EHBP1: variants seen among roughly 807,000 people sequenced by gnomAD.
The protein encoded by EHBP1 is EH domain binding protein 1, also known as EH domain-binding protein 1.
In EHBP1, 55 loss-of-function variants were observed where a neutral mutation model predicts 144.0. That is an observed-to-expected ratio of 0.38 (90% confidence interval 0.31 to 0.48). The LOEUF (loss-of-function observed/expected upper bound fraction) is 0.48. EHBP1 is among the 20% of genes least tolerant of loss of function. The pLI, the probability that EHBP1 is intolerant of heterozygous loss-of-function variation, is 0.98. For synonymous variants in EHBP1, 469 were observed against 472.7 expected (o/e 0.99, Z 0.10); for missense variants, 1,200 against 1,364.2 (o/e 0.88, Z 1.90).
At chr2:63,018,254 T>C (rs1332470726) in intron 19 of EHBP1, among the ~76,000 whole-genome samples, 1 of 152,256 alleles carries the variant, frequency 6.6e-6, no homozygotes, top group Non-Finnish European at 1.5e-5. Flanking sequence ...TAAAAACTGG[T>C]AATTTAATTC....
chr2:62,988,777 G>A (rs80198602), intron 15 of EHBP1, among the ~76,000 whole-genome samples: 2,795 of 152,190 alleles, frequency 0.018, 29 homozygotes, highest in Non-Finnish European at 0.028. Context: ...GCAATAAAAA[G>A]TCTTTGGTGA....
intron 7 of EHBP1, among the ~76,000 whole-genome samples, chr2:62,852,931 G>A (rs2048783087): frequency 6.6e-6 from 1 of 152,130 alleles, no homozygotes; most frequent in Admixed American, 6.5e-5. Flanking sequence ...TGACTATTTA[G>A]CTCCTACTGT....
chr2:62,949,781 A>ACGGTTT (rs966975089), intron 13 of EHBP1, among the ~76,000 whole-genome samples: 2 of 152,194 alleles, frequency 1.3e-5, no homozygotes, highest in African/African-American at 4.8e-5. Context: ...GGAATACTGT[A>ACGGTTT]CGGTTTTAAC....
chr2:62,678,291 A>C (rs916942042), intron 1 of EHBP1, among the ~76,000 whole-genome samples: 2 of 152,228 alleles, frequency 1.3e-5, no homozygotes, highest in African/African-American at 4.8e-5. Context: ...TCTTTTGAGA[A>C]ATGTCTATTC....
chr2:62,783,587 G>C (rs972595902), intron 5 of EHBP1, among the ~76,000 whole-genome samples: 1 of 152,248 alleles, frequency 6.6e-6, no homozygotes, highest in Non-Finnish European at 1.5e-5. Flanking sequence ...CCAAGGCTTG[G>C]GGCTTGCACC....
At chr2:62,696,395 C>T (rs1447578730) in intron 1 of EHBP1, among the ~76,000 whole-genome samples, 2 of 150,980 alleles carry the variant, frequency 1.3e-5, no homozygotes, top group Non-Finnish European at 2.9e-5. Context: ...GGTCTACCCA[C>T]CTTGGCCTCC....
intron 10 of EHBP1, among the ~76,000 whole-genome samples, chr2:62,930,030 T>C (rs750323965): frequency 2.0e-5 from 3 of 152,158 alleles, no homozygotes; most frequent in Non-Finnish European, 4.4e-5. Context: ...GAGGATTGCT[T>C]GAGCTCAGGA....
chr2:62,945,697 C>G (rs937676109), intron 12 of EHBP1, among the ~76,000 whole-genome samples: 3 of 152,114 alleles, frequency 2.0e-5, no homozygotes, highest in Admixed American at 6.6e-5. Context: ...CTGCAGTGAG[C>G]TAGCATCATG....
intron 1 of EHBP1, among the ~76,000 whole-genome samples, chr2:62,696,148 C>T (rs1418105400): frequency 7.6e-6 from 1 of 131,878 alleles, no homozygotes; most frequent in Non-Finnish European, 1.6e-5. Flanking sequence ...TCCTTTCTCT[C>T]TCTCTCTCTC....
chr2:62,770,984 C>T (rs558081378), intron 4 of EHBP1, among the ~76,000 whole-genome samples: 68 of 152,124 alleles, frequency 4.5e-4, no homozygotes, highest in African/African-American at 1.6e-3. Context: ...AAGGGAACAA[C>T]AGACACTGCG....
chr2:62,805,487 C>T lies in EHBP1; in HGVS notation c.313-20600C>T, dbSNP rs534038965. 1.1e-4 allele frequency among the ~76,000 whole-genome samples: 14 copies of T among 131,718 alleles called. No individual in the cohort carries two copies. In the South Asian group the frequency reaches 3.1e-3, roughly 29 times the overall value. The allele number at this position is 131,718 out of a possible 152,430, so 86.4% of individuals were successfully genotyped here. A position where few individuals can be genotyped will look rare whatever the true frequency, so the allele number is the denominator to read the frequency against. ...TATTTTCTTTTTTTTTTTTTTTTTA[C>T]AGTGAACCTGCATTACTTGTGTCTG... On this transcript the variant is annotated intron_variant, in intron 5 of 22. Transcript: ENST00000431489.
chr2:63,003,738 G>A (rs565981285), intron 19 of EHBP1, among the ~76,000 whole-genome samples: 38 of 152,158 alleles, frequency 2.5e-4, no homozygotes, highest in African/African-American at 4.8e-4. Flanking sequence ...TAAACTCAGC[G>A]GAAGAAGCCA....
At chr2:62,932,425 A>G (rs1368249341) in intron 10 of EHBP1, among the ~76,000 whole-genome samples, 1 of 152,202 alleles carries the variant, frequency 6.6e-6, no homozygotes, top group Admixed American at 6.5e-5. Flanking sequence ...ATGCTATGAC[A>G]TGGATTAATC....
At chr2:62,811,326 G>C (rs1453762161) in intron 5 of EHBP1, among the ~76,000 whole-genome samples, 1 of 152,194 alleles carries the variant, frequency 6.6e-6, no homozygotes. Context: ...AAATTTTATA[G>C]TATTCCATTT....
intron 18 of EHBP1, among the ~76,000 whole-genome samples, chr2:62,995,633 A>G (rs1165886646): frequency 6.6e-6 from 1 of 152,094 alleles, no homozygotes; most frequent in Non-Finnish European, 1.5e-5. Context: ...ATAAGTGCTT[A>G]TGATAGGAGT....
intron 3 of EHBP1, among the ~76,000 whole-genome samples, chr2:62,759,649 C>T (rs570578527): frequency 1.3e-5 from 2 of 152,248 alleles, no homozygotes; most frequent in African/African-American, 2.4e-5. Flanking sequence ...AAGTGATCAC[C>T]TGCCTCAGCC....
chr2:63,033,641 C>T (rs1216667686), intron 19 of EHBP1, among the ~76,000 whole-genome samples: 1 of 152,044 alleles, frequency 6.6e-6, no homozygotes, highest in African/African-American at 2.4e-5. Context: ...TTAAAACATT[C>T]ATAATTTCTG....
chr2:62,874,410 G>T lies in EHBP1; in HGVS notation c.1063G>T (p.Glu355Ter). The part of the protein sequence containing the change: ...PPNNLVNPVQ[E>*]LETERRVKRK... ...AAATAATTTGGTAAATCCTGTTCAA[G>T]AACTAGAAACTGAAAGGCGAGTGAA... is the stretch of plus-strand genomic sequence containing the variant. Residue 355 changes from glutamate (E) to a stop codon, truncating the protein, a stop_gained, in exon 10 of 23, where the codon GAA becomes TAA. Coordinates refer to ENST00000431489, the MANE Select transcript of EHBP1 (RefSeq NM_001142616.3). LOFTEE classifies it high-confidence loss of function. 6.2e-7 allele frequency: 1 copy of T among 1,613,358 alleles called. No homozygotes were observed. Among genetic ancestry groups the T allele is most frequent in the Non-Finnish European group, 8.5e-7 (1 of 1,179,630 alleles).
chr2:62,861,408 G>A (rs113242590), intron 8 of EHBP1, among the ~76,000 whole-genome samples: 6 of 150,670 alleles, frequency 4.0e-5, no homozygotes, highest in African/African-American at 7.3e-5. Flanking sequence ...GATTACAGGC[G>A]TGAGCCACCG....
Sources: gnomAD v4.1 joint callset for allele counts (sites outside exome capture counted in the v4.1 genomes callset) on GRCh38, gnomAD v4.1.1 for gene constraint, MANE v1.5 for transcripts, NCBI Gene and HGNC (gene_info 2026-07-23, HGNC 2026-07-21) for gene names.